The following SRPK2 variants were observed in gnomAD, a reference collection of about 807,000 sequenced individuals.
SRPK2 encodes SRSF protein kinase 2, also known as SFRS protein kinase 2.
SRPK2 carries 21 observed loss-of-function variants against 90.8 expected under a neutral mutation model. The ratio of observed to expected loss-of-function variants is 0.23; its 90% CI spans 0.16 to 0.33. The LOEUF is 0.33. Among genes scored for constraint, SRPK2 ranks in the 10% least tolerant of loss-of-function variants. The pLI, the probability that SRPK2 is intolerant of heterozygous loss-of-function variation, is 1.00. For synonymous variants in SRPK2, 288 were observed against 311.1 expected (o/e 0.93, Z 0.78); for missense variants, 620 against 869.0 (o/e 0.71, Z 3.60).
chr7:105,295,164 C>T (rs1041727232), intron 2 of SRPK2, among the ~76,000 whole-genome samples: 2 of 150,764 alleles, frequency 1.3e-5, no homozygotes, highest in Admixed American at 6.6e-5. Context: ...GTGAGCCAAA[C>T]TGCGCCACTG....
chr7:105,133,138 C>T (rs373770973), intron 11 of SRPK2, 34 bp from the exon 12 acceptor site: 63 of 1,602,136 alleles, frequency 3.9e-5, no homozygotes, highest in East Asian at 2.0e-4. Context: ...AGTTAGTGAT[C>T]GGGATAGGTG....
At chr7:105,368,958 T>C (rs1819392488) in intron 2 of SRPK2, among the ~76,000 whole-genome samples, 1 of 150,582 alleles carries the variant, frequency 6.6e-6, no homozygotes, top group Non-Finnish European at 1.5e-5. Flanking sequence ...CATGGAATGG[T>C]TTAGGGCAAT....
chr7:105,306,227 G>A (rs1303082336), intron 2 of SRPK2: 1 of 183,578 alleles, frequency 5.4e-6, no homozygotes, highest in South Asian at 9.7e-5. Context: ...TTGCATTTCA[G>A]TATTGTCATT....
intron 2 of SRPK2, among the ~76,000 whole-genome samples, chr7:105,278,712 G>C (rs1806855183): frequency 6.7e-6 from 1 of 148,310 alleles, no homozygotes; most frequent in East Asian, 2.0e-4. Context: ...AGAAAGGAAA[G>C]AGGAAAGGGG....
At chr7:105,384,872 C>A (rs1456377651) in intron 2 of SRPK2, among the ~76,000 whole-genome samples, 1 of 149,960 alleles carries the variant, frequency 6.7e-6, no homozygotes. Context: ...CTATTCTCCA[C>A]ATAGCAACCT....
At position 105,125,825 on chromosome 7, in the gene SRPK2, G is replaced by A. The variant is rs925823686; in HGVS notation, c.1915+423C>T. The A allele has an allele frequency of 7.7e-6, 10 of 1,293,274 alleles. No individual in the cohort carries two copies. In the African/African-American group the frequency reaches 1.1e-4, roughly 14 times the overall value. 80.1% of individuals were successfully genotyped at this position (1,293,274 alleles called of 1,614,324 possible). ...CCTTGGAGTATTTCCCCAACATAGC[G>A]TATTTTCGAGGGACTTTCCCCAGCA... is the stretch of plus-strand genomic sequence containing the variant. On this transcript the variant is annotated intron_variant, in intron 15 of 15. Transcript: ENST00000393651.
intron 2 of SRPK2, among the ~76,000 whole-genome samples, chr7:105,258,310 G>A (rs928948153): frequency 6.6e-6 from 1 of 151,352 alleles, no homozygotes; most frequent in Non-Finnish European, 1.5e-5. Context: ...TCAGCTACTC[G>A]GGAGGCTGAG....
At chr7:105,249,596 G>T (rs1245292791) in intron 2 of SRPK2, among the ~76,000 whole-genome samples, 4 of 151,908 alleles carry the variant, frequency 2.6e-5, no homozygotes, top group African/African-American at 9.7e-5. Context: ...ATCCCATCTA[G>T]AACCTGAGTT....
At chr7:105,131,004 G>A (rs1420404708) in intron 13 of SRPK2, among the ~76,000 whole-genome samples, 1 of 152,186 alleles carries the variant, frequency 6.6e-6, no homozygotes, top group African/African-American at 2.4e-5. Flanking sequence ...GCAGGACAGG[G>A]AAATTGTATG....
chr7:105,211,913 GA>G (rs1796911164), intron 2 of SRPK2, among the ~76,000 whole-genome samples: 1 of 152,136 alleles, frequency 6.6e-6, no homozygotes, highest in African/African-American at 2.4e-5. Flanking sequence ...CTACATTTTA[GA>G]AAAGAAAGGA....
chr7:105,151,706 C>A (rs2129579023), intron 7 of SRPK2, among the ~76,000 whole-genome samples: 1 of 151,590 alleles, frequency 6.6e-6, no homozygotes, highest in African/African-American at 2.4e-5. Flanking sequence ...GCCACCACAT[C>A]CAGCTTCCTA....
chr7:105,286,233 T>C (rs1408010401), intron 2 of SRPK2, among the ~76,000 whole-genome samples: 1 of 152,232 alleles, frequency 6.6e-6, no homozygotes, highest in Non-Finnish European at 1.5e-5. Flanking sequence ...TTTACATTCA[T>C]AATATTTGTA....
chr7:105,217,487 A>G (rs1345413089), intron 2 of SRPK2, among the ~76,000 whole-genome samples: 1 of 152,224 alleles, frequency 6.6e-6, no homozygotes, highest in Admixed American at 6.5e-5. Flanking sequence ...ACTGTATCTG[A>G]CAAATGAAGA....
intron 15 of SRPK2, among the ~76,000 whole-genome samples, chr7:105,125,287 C>A (rs1801027110): frequency 6.6e-6 from 1 of 151,982 alleles, no homozygotes; most frequent in African/African-American, 2.4e-5. Flanking sequence ...AAAATAATCA[C>A]CTTAATACAG....
chr7:105,115,374 A>T (rs1348295433), downstream of SRPK2: 8 of 152,202 alleles, frequency 5.3e-5, no homozygotes, highest in Non-Finnish European at 1.5e-5. Context: ...GACTCGGAAG[A>T]TCTTATATCC....
At chr7:105,145,531 C>A (rs1804479976) in intron 8 of SRPK2, among the ~76,000 whole-genome samples, 1 of 152,154 alleles carries the variant, frequency 6.6e-6, no homozygotes, top group African/African-American at 2.4e-5. Flanking sequence ...TCATACTGAG[C>A]CATTTCTCTT....
chr7:105,198,469 T>C (rs1795176860), intron 3 of SRPK2, among the ~76,000 whole-genome samples: 1 of 152,196 alleles, frequency 6.6e-6, no homozygotes. Flanking sequence ...CTGAATAAAC[T>C]GCACAGCCTA....
chr7:105,195,748 G>A (rs889684981), intron 3 of SRPK2, among the ~76,000 whole-genome samples: 1 of 151,864 alleles, frequency 6.6e-6, no homozygotes, highest in Non-Finnish European at 1.5e-5. Context: ...CTTCCTTTTA[G>A]CCCTCACATA....
intron 2 of SRPK2, among the ~76,000 whole-genome samples, chr7:105,349,753 T>G (rs377320057): frequency 1.3e-5 from 2 of 152,252 alleles, no homozygotes; most frequent in East Asian, 3.9e-4. Context: ...CCTGTCTTTT[T>G]TTTTGAGCTG....
Sources: gnomAD v4.1 joint callset for allele counts (sites outside exome capture counted in the v4.1 genomes callset) on GRCh38, gnomAD v4.1.1 for gene constraint, MANE v1.5 for transcripts, NCBI Gene and HGNC (gene_info 2026-07-23, HGNC 2026-07-21) for gene names.